The following CTNNA2 variants were observed in gnomAD, a reference collection of about 807,000 sequenced individuals.
The protein encoded by CTNNA2 is catenin alpha-2.
A neutral mutation model predicts 101.0 loss-of-function variants in CTNNA2; 42 were observed. The observed-to-expected ratio is 0.42, with a 90% CI of 0.32 to 0.54. CTNNA2 has a LOEUF of 0.54. CTNNA2 is among the 20% of genes least tolerant of loss of function. The pLI, the probability that CTNNA2 is intolerant of heterozygous loss-of-function variation, is 0.14. For missense variants in CTNNA2, 871 were observed against 1,223.1 expected (o/e 0.71, Z 4.29); for synonymous variants, 450 against 456.4 (o/e 0.99, Z 0.18).
chr2:79,968,135 G>T (rs2104559819), intron 7 of CTNNA2, among the ~76,000 whole-genome samples: 1 of 151,978 alleles, frequency 6.6e-6, no homozygotes, highest in South Asian at 2.1e-4. Context: ...AGTGGTGGTT[G>T]CACAAAATTG....
At chr2:79,255,863 G>T (rs1159692740) in intron 2 of CTNNA2, among the ~76,000 whole-genome samples, 1 of 152,138 alleles carries the variant, frequency 6.6e-6, no homozygotes, top group South Asian at 2.1e-4. Flanking sequence ...ATTCTACTAA[G>T]GGTTTGGGAC....
intron 9 of CTNNA2, among the ~76,000 whole-genome samples, chr2:80,478,945 A>G (rs541405581): frequency 2.6e-5 from 4 of 151,804 alleles, no homozygotes; most frequent in East Asian, 3.9e-4. Flanking sequence ...ATTACATTGA[A>G]TCTGTAGATT....
At chr2:79,424,978 C>A (rs1457114720) in intron 4 of CTNNA2, among the ~76,000 whole-genome samples, 1 of 152,066 alleles carries the variant, frequency 6.6e-6, no homozygotes, top group Non-Finnish European at 1.5e-5. Flanking sequence ...AGAATGAGAA[C>A]CTCTTGCCTT....
chr2:80,645,911 TCC>T (rs1674029409), intron 18 of CTNNA2, among the ~76,000 whole-genome samples: 1 of 152,118 alleles, frequency 6.6e-6, no homozygotes, highest in Non-Finnish European at 1.5e-5. Context: ...TCCATTGTTT[TCC>T]CCAATGGTCA....
rs1169944635 is a variant in CTNNA2, at chr2:80,434,485, CTTTTTTTTTTT to C, written c.1290+14897_1290+14907del. On this transcript the variant is annotated intron_variant, in intron 9 of 18. Transcript: ENST00000402739. ...GTTGTCTGTCTTTCTTTCTGTGTCT[CTTTTTTTTTTT>C]TTTTTTTTTTTTGAGCCAGGGTTTC... 4.4e-5 allele frequency among the ~76,000 whole-genome samples: 4 copies of C among 89,992 alleles called. 1 individual carries two copies. The Admixed American group carries it at 5.3e-4, about 12-fold the overall frequency. The allele number at this position is 89,992 out of a possible 152,430, so 59.0% of individuals were successfully genotyped here. A position where few individuals can be genotyped will look rare whatever the true frequency, so the allele number is the denominator to read the frequency against.
intron 7 of CTNNA2, among the ~76,000 whole-genome samples, chr2:80,372,237 G>A (rs1225355702): frequency 2.6e-5 from 4 of 151,962 alleles, no homozygotes; most frequent in Admixed American, 2.6e-4. Context: ...TAGGATGGAT[G>A]CTGTGGAACC....
chr2:80,219,675 C>G (rs767021768), intron 7 of CTNNA2, among the ~76,000 whole-genome samples: 3 of 152,002 alleles, frequency 2.0e-5, no homozygotes, highest in Non-Finnish European at 2.9e-5. Flanking sequence ...TCAGTACCTG[C>G]CTTTAGAAAG....
chr2:79,411,896 T>A (rs1425934824), intron 4 of CTNNA2, among the ~76,000 whole-genome samples: 2 of 152,030 alleles, frequency 1.3e-5, no homozygotes, highest in African/African-American at 4.8e-5. Flanking sequence ...CACATAACAA[T>A]ATTATCTTTA....
At chr2:79,355,682 A>T (rs1677493158) in intron 3 of CTNNA2, among the ~76,000 whole-genome samples, 1 of 152,198 alleles carries the variant, frequency 6.6e-6, no homozygotes, top group South Asian at 2.1e-4. Flanking sequence ...TATTAAGTTA[A>T]TGGAGTCATA....
At chr2:80,639,432 T>C (rs1461510224) in intron 18 of CTNNA2, among the ~76,000 whole-genome samples, 2 of 151,844 alleles carry the variant, frequency 1.3e-5, no homozygotes, top group African/African-American at 4.8e-5. Flanking sequence ...CTGGTCTCGA[T>C]CTCCTGACCT....
intron 7 of CTNNA2, among the ~76,000 whole-genome samples, chr2:80,231,805 C>G (rs1709229452): frequency 6.6e-6 from 1 of 152,184 alleles, no homozygotes; most frequent in Non-Finnish European, 1.5e-5. Flanking sequence ...AGGCCCTGCA[C>G]AGCTGTCTCT....
At chr2:79,961,269 T>C (rs1007331298) in intron 7 of CTNNA2, among the ~76,000 whole-genome samples, 2 of 152,196 alleles carry the variant, frequency 1.3e-5, no homozygotes, top group African/African-American at 4.8e-5. Flanking sequence ...AAGTAAATTC[T>C]TGGCATGCGA....
At position 79,530,273 on chromosome 2, in the gene CTNNA2, G is replaced by A. The variant is rs528499601; in HGVS notation, c.-6+17066G>A. ...GGGTTTAGTGGTTTGTGCAAAATAT[G>A]TTTTCAGTAAAACAAAAAAAAGCAG... On this transcript the variant is annotated intron_variant, in intron 1 of 18. Transcript: ENST00000402739. Among the ~76,000 whole-genome samples, 24 of 152,176 alleles carry A rather than the reference G, an allele frequency of 1.6e-4. No individual in the cohort carries two copies. In the South Asian group the frequency reaches 5.0e-3, roughly 32 times the overall value.
At chr2:80,489,662 G>C (rs567506320) in intron 9 of CTNNA2, among the ~76,000 whole-genome samples, 1 of 152,262 alleles carries the variant, frequency 6.6e-6, no homozygotes, top group South Asian at 2.1e-4. Flanking sequence ...TAATAGAACT[G>C]GGTTCTATCT....
chr2:80,422,081 A>G (rs1047290634), intron 9 of CTNNA2, among the ~76,000 whole-genome samples: 5 of 152,236 alleles, frequency 3.3e-5, no homozygotes, highest in African/African-American at 9.6e-5. Flanking sequence ...TAATAAAGAC[A>G]TATCATATGC....
chr2:79,557,994 T>C (rs934427422), intron 1 of CTNNA2, among the ~76,000 whole-genome samples: 8 of 151,974 alleles, frequency 5.3e-5, no homozygotes, highest in Non-Finnish European at 1.0e-4. Context: ...TTGTACAGAA[T>C]CTCCAGAGCG....
At chr2:80,177,336 T>C (rs1221476790) in intron 7 of CTNNA2, among the ~76,000 whole-genome samples, 1 of 152,166 alleles carries the variant, frequency 6.6e-6, no homozygotes, top group African/African-American at 2.4e-5. Context: ...TCGATTCCGG[T>C]GAGGACAAAT....
chr2:79,244,083 C>A (rs1674667669), intron 2 of CTNNA2, among the ~76,000 whole-genome samples: 1 of 152,166 alleles, frequency 6.6e-6, no homozygotes. Flanking sequence ...TCTCTCCCTG[C>A]CCTTCCTTAT....
intron 2 of CTNNA2, among the ~76,000 whole-genome samples, chr2:79,285,119 T>C (rs1294497772): frequency 1.3e-5 from 2 of 151,152 alleles, no homozygotes; most frequent in Non-Finnish European, 2.9e-5. Context: ...CCCTTTATCA[T>C]TTTTTATTGT....
Sources: allele counts gnomAD v4.1 joint callset (sites outside exome capture counted in the v4.1 genomes callset), GRCh38; gene constraint gnomAD v4.1.1; transcripts MANE v1.5; gene names NCBI Gene and HGNC (gene_info 2026-07-23, HGNC 2026-07-21).